Variants in COLGALT2 observed in about 807,000 individuals in gnomAD.
The protein encoded by COLGALT2 is procollagen galactosyltransferase 2.
A neutral mutation model predicts 73.4 loss-of-function variants in COLGALT2; 49 were observed. The observed-to-expected ratio is 0.67, with a 90% CI of 0.53 to 0.85. The LOEUF is 0.85. Ranked by LOEUF, COLGALT2 falls within the 40% of genes least tolerant of loss-of-function variation. The pLI, the probability that COLGALT2 is intolerant of heterozygous loss-of-function variation, is 0.00. For synonymous variants in COLGALT2, 295 were observed against 307.6 expected (o/e 0.96, Z 0.43); for missense variants, 722 against 790.2 (o/e 0.91, Z 1.03).
At chr1:183,960,132 T>G (rs1451493069) in intron 6 of COLGALT2, among the ~76,000 whole-genome samples, 1 of 152,196 alleles carries the variant, frequency 6.6e-6, no homozygotes, top group Non-Finnish European at 1.5e-5. Flanking sequence ...TACAGCCTGA[T>G]TATCTCTTCT....
In COLGALT2 at chr1:183,944,470, A is replaced by G. The variant is rs1378560893; in HGVS notation, c.1270-147T>C. ...AATGGCCATCAACAGTAGAATAGAT[A>G]ATAAACTTTGGAATATTCACAGCAG... On this transcript the variant is annotated intron_variant, in intron 9 of 11. Coordinates refer to ENST00000361927, the MANE Select transcript of COLGALT2 (RefSeq NM_015101.4). 3.5e-6 allele frequency: 3 copies of G among 866,174 alleles called. No individual in the cohort carries two copies. In the African/African-American group the frequency reaches 5.1e-5, roughly 15 times the overall value. 53.7% of individuals were successfully genotyped at this position (866,174 alleles called of 1,614,324 possible). A position where few individuals can be genotyped will look rare whatever the true frequency, so the allele number is the denominator to read the frequency against.
At chr1:183,930,569 C>T (rs891711169) in intron 11 of COLGALT2, among the ~76,000 whole-genome samples, 23 of 114,052 alleles carry the variant, frequency 2.0e-4, no homozygotes, top group African/African-American at 4.7e-4. Context: ...TTTTCTTTTT[C>T]TTTTTTTTTT....
At chr1:183,960,797 G>C (rs895296926) in intron 6 of COLGALT2, among the ~76,000 whole-genome samples, 1 of 152,020 alleles carries the variant, frequency 6.6e-6, no homozygotes, top group Non-Finnish European at 1.5e-5. Context: ...CTATTGTTGT[G>C]TTAGTATATT....
chr1:183,960,331 A>G (rs931925221), intron 6 of COLGALT2, among the ~76,000 whole-genome samples: 3 of 152,170 alleles, frequency 2.0e-5, no homozygotes, highest in African/African-American at 4.8e-5. Flanking sequence ...TGTCCTCACC[A>G]TACCACTCTT....
chr1:183,979,459 T>C (rs1293845898), intron 1 of COLGALT2, among the ~76,000 whole-genome samples: 1 of 152,134 alleles, frequency 6.6e-6, no homozygotes, highest in African/African-American at 2.4e-5. Flanking sequence ...AGTATGAATA[T>C]CTATACATTT....
At chr1:184,036,328 A>T (rs553638313) in intron 1 of COLGALT2, among the ~76,000 whole-genome samples, 7 of 152,280 alleles carry the variant, frequency 4.6e-5, no homozygotes, top group Non-Finnish European at 8.8e-5. Context: ...CCCGCAGCAG[A>T]CACAGGGACC....
intron 1 of COLGALT2, among the ~76,000 whole-genome samples, chr1:184,016,637 G>A (rs1649010088): frequency 6.6e-6 from 1 of 152,164 alleles, no homozygotes. Flanking sequence ...TAACCTGGGG[G>A]AGCCCATTTT....
chr1:183,959,664 C>T (rs1233902717), intron 6 of COLGALT2, among the ~76,000 whole-genome samples: 3 of 152,046 alleles, frequency 2.0e-5, no homozygotes, highest in East Asian at 3.9e-4. Context: ...CTAGTATCCT[C>T]ACCACAGCCC....
chr1:184,005,183 G>A (rs12746312), intron 1 of COLGALT2, among the ~76,000 whole-genome samples: 2,712 of 152,198 alleles, frequency 0.018, 24 homozygotes, highest in Middle Eastern at 0.051. Flanking sequence ...TGGAAAGAAT[G>A]ACTGGCAAGG....
chr1:184,026,715 G>A (rs1432483160), intron 1 of COLGALT2, among the ~76,000 whole-genome samples: 1 of 152,166 alleles, frequency 6.6e-6, no homozygotes. Flanking sequence ...TGTCACAAAT[G>A]AGGGGAGGAA....
chr1:184,022,771 G>A (rs12128716), intron 1 of COLGALT2, among the ~76,000 whole-genome samples: 30,611 of 152,184 alleles, frequency 0.2, 3,526 homozygotes, highest in East Asian at 0.48. Context: ...GGCAGAAATC[G>A]TTTCACCCTC....
chr1:184,015,516 T>C (rs906484553), intron 1 of COLGALT2, among the ~76,000 whole-genome samples: 4 of 152,230 alleles, frequency 2.6e-5, no homozygotes, highest in African/African-American at 4.8e-5. Flanking sequence ...ACATTCTTGA[T>C]ATCTGTAGTG....
chr1:183,992,580 G>A (rs1361402704), intron 1 of COLGALT2, among the ~76,000 whole-genome samples: 2 of 152,152 alleles, frequency 1.3e-5, no homozygotes, highest in Admixed American at 6.5e-5. Context: ...TTGATTGACT[G>A]TCCTCTTTAA....
At chr1:183,930,274 A>G (rs1383200478) in exon 12 of COLGALT2, 1 of 456,340 alleles carries the variant, frequency 2.2e-6, no homozygotes, top group Non-Finnish European at 4.4e-6. Flanking sequence ...GATGGCAGTG[A>G]GGACTTGAGA....
At chr1:183,932,623 C>T (rs2102780974), downstream of COLGALT2, among the ~76,000 whole-genome samples, 1 of 152,294 alleles carries the variant, frequency 6.6e-6, no homozygotes, top group East Asian at 1.9e-4. Context: ...AGGGCTCCTG[C>T]AGCTTGTTCC....
Position 184,020,022 on chromosome 1 carries a change from G to A in COLGALT2, c.263+17073C>T, listed in dbSNP as rs1397911869. On this transcript the variant is annotated intron_variant, in intron 1 of 11. Coordinates refer to ENST00000361927, the MANE Select transcript of COLGALT2 (RefSeq NM_015101.4). The stretch of plus-strand genomic sequence containing the variant: ...GCAGATCTATTGGTGTCCAGCACTC[G>A]CCTGGTTTTTAGACTTATTGGATGG... Among the ~76,000 whole-genome samples the A allele has an allele frequency of 4.6e-5, 7 of 152,174 alleles. No homozygotes were observed. The East Asian group carries it at 5.8e-4, about 13-fold the overall frequency.
intron 1 of COLGALT2, 22 bp from the exon 2 acceptor site, chr1:183,978,542 A>G (rs1189433299): frequency 1.4e-6 from 2 of 1,387,568 alleles, no homozygotes; most frequent in Admixed American, 1.7e-5. Context: ...AAAGCACAAT[A>G]TAGTTTAACT....
chr1:183,960,461 A>G (rs147037421), intron 6 of COLGALT2, among the ~76,000 whole-genome samples: 52 of 152,170 alleles, frequency 3.4e-4, no homozygotes, highest in African/African-American at 1.2e-3. Flanking sequence ...TTTCTTTGAT[A>G]TTTTCTCCTT....
chr1:183,946,786 C>T (rs1298341427), intron 8 of COLGALT2, among the ~76,000 whole-genome samples: 2 of 152,158 alleles, frequency 1.3e-5, no homozygotes, highest in African/African-American at 4.8e-5. Context: ...AATCCCACGA[C>T]TTTGGGAGGC....
Sources: allele counts gnomAD v4.1 joint callset (sites outside exome capture counted in the v4.1 genomes callset), GRCh38; gene constraint gnomAD v4.1.1; transcripts MANE v1.5; gene names NCBI Gene and HGNC (gene_info 2026-07-23, HGNC 2026-07-21).